The following GABRB3 variants were observed in gnomAD, a reference collection of about 807,000 sequenced individuals.
The protein encoded by GABRB3 is gamma-aminobutyric acid type A receptor subunit beta3, also known as gamma-aminobutyric acid receptor subunit beta-3.
In GABRB3, 14 loss-of-function variants were observed where a neutral mutation model predicts 52.1. That is an observed-to-expected ratio of 0.27 (90% CI 0.18 to 0.42). GABRB3 has a LOEUF of 0.42. Ranked by LOEUF, GABRB3 falls within the 10% of genes least tolerant of loss-of-function variation. GABRB3 has a pLI of 1.00. For synonymous variants in GABRB3, 260 were observed against 232.3 expected (o/e 1.12, Z -1.08); for missense variants, 307 against 609.1 (o/e 0.50, Z 5.22).
chr15:26,614,735 T>G (rs1355847087), intron 4 of GABRB3: 2 of 152,210 alleles, frequency 1.3e-5, no homozygotes, highest in Non-Finnish European at 2.9e-5. Context: ...TCAAACGAAT[T>G]CGATGATTTA....
rs1555400757 is a variant in GABRB3, at chr15:26,554,021, T to TATATATATATATATATATATATA, written c.1081-5888_1081-5887insTATATATATATATATATATATAT. ...TCCCGAGTAGCTGACACCTGACTAT[T>TATATATATATATATATATATATA]TATATATATATATATTTATTTATTT... On this transcript the variant is annotated intron_variant, in intron 8 of 8. Coordinates refer to ENST00000311550, the MANE Select transcript of GABRB3 (RefSeq NM_000814.6). Among the ~76,000 whole-genome samples, 8 of 23,682 alleles carry TATATATATATATATATATATATA rather than the reference T, an allele frequency of 3.4e-4. 1 individual carries two copies. The highest frequency in any genetic ancestry group is 1.5e-3 in the African/African-American group (8 of 5,496). The allele number at this position is 23,682 out of a possible 152,430, so 15.5% of individuals were successfully genotyped here. A position where few individuals can be genotyped will look rare whatever the true frequency, so the allele number is the denominator to read the frequency against.
intron 3 of GABRB3, among the ~76,000 whole-genome samples, chr15:26,631,650 G>A (rs1177754200): frequency 6.6e-6 from 1 of 152,172 alleles, no homozygotes; most frequent in East Asian, 1.9e-4. Flanking sequence ...TTCCTTTGTA[G>A]TCATTCCTAC....
chr15:26,739,251 C>A (rs760633623), intron 3 of GABRB3, among the ~76,000 whole-genome samples: 2 of 152,056 alleles, frequency 1.3e-5, no homozygotes, highest in African/African-American at 2.4e-5. Flanking sequence ...CTACAGAAAC[C>A]CACACCAGCT....
At chr15:26,680,056 G>T (rs1288982722) in intron 3 of GABRB3, among the ~76,000 whole-genome samples, 1 of 152,164 alleles carries the variant, frequency 6.6e-6, no homozygotes, top group Admixed American at 6.5e-5. Context: ...TTTCAGATGG[G>T]ATTAACAGTT....
chr15:26,655,559 G>A lies in GABRB3; in HGVS notation c.241-34025C>T, dbSNP rs1477285573. Among the ~76,000 whole-genome samples the A allele has an allele frequency of 5.3e-5, 8 of 152,158 alleles. No homozygotes were observed. In the East Asian group the frequency reaches 7.8e-4, roughly 15 times the overall value. Reference sequence around the variant, plus strand: ...AGATCGAGACCATCCTGGCTAACACGGTGAAACCCTGTCTCTACTAAAAAT... The same window carrying A: ...AGATCGAGACCATCCTGGCTAACACAGTGAAACCCTGTCTCTACTAAAAAT... On this transcript the variant is annotated intron_variant, in intron 3 of 8. Transcript: ENST00000311550.
chr15:26,766,756 T>TAAGAA (rs1891008076), intron 3 of GABRB3, among the ~76,000 whole-genome samples: 2 of 151,562 alleles, frequency 1.3e-5, no homozygotes, highest in African/African-American at 4.9e-5. Flanking sequence ...AGTTAATTCT[T>TAAGAA]TTAACTACAT....
intron 3 of GABRB3, among the ~76,000 whole-genome samples, chr15:26,715,111 TG>T (rs954862865): frequency 4.9e-4 from 75 of 152,018 alleles, no homozygotes; most frequent in African/African-American, 1.6e-3. Flanking sequence ...CTTGAGGACC[TG>T]GGGGGGTCTG....
chr15:26,745,190 G>A (rs911757824), intron 3 of GABRB3, among the ~76,000 whole-genome samples: 2 of 152,132 alleles, frequency 1.3e-5, no homozygotes, highest in African/African-American at 2.4e-5. Context: ...TGACCCAAAC[G>A]CCTCCCACCA....
At chr15:26,651,599 T>G (rs1887199497) in intron 3 of GABRB3, among the ~76,000 whole-genome samples, 1 of 152,210 alleles carries the variant, frequency 6.6e-6, no homozygotes, top group Non-Finnish European at 1.5e-5. Flanking sequence ...AAATAATTCT[T>G]ATACATGGTC....
At chr15:26,670,957 C>T (rs1042811846) in intron 3 of GABRB3, among the ~76,000 whole-genome samples, 95 of 151,988 alleles carry the variant, frequency 6.3e-4, no homozygotes, top group Admixed American at 3.5e-3. Context: ...GGCACAATTA[C>T]GGCATCAACC....
chr15:26,683,716 G>T (rs1420603096), intron 3 of GABRB3, among the ~76,000 whole-genome samples: 1 of 152,118 alleles, frequency 6.6e-6, no homozygotes, highest in African/African-American at 2.4e-5. Context: ...ATGCTCCTAG[G>T]GGGCAGGGTC....
At position 26,643,041 on chromosome 15, in the gene GABRB3, T is replaced by C. The variant is rs534341186; in HGVS notation, c.241-21507A>G. Among the ~76,000 whole-genome samples the C allele has an allele frequency of 2.0e-5, 3 of 152,200 alleles. 1 individual carries two copies. The highest frequency in any genetic ancestry group is 7.2e-5 in the African/African-American group (3 of 41,546). ...TCTGTCCCATCTCACCAAAGAACCCTCAGCTGACACCTCCACCCTGACCTT... is the reference window on the plus strand; with the variant it reads ...TCTGTCCCATCTCACCAAAGAACCCCCAGCTGACACCTCCACCCTGACCTT... On this transcript the variant is annotated intron_variant, in intron 3 of 8. Transcript: ENST00000311550.
chr15:26,731,284 C>G (rs1436030255), intron 3 of GABRB3, among the ~76,000 whole-genome samples: 1 of 152,204 alleles, frequency 6.6e-6, no homozygotes, highest in Non-Finnish European at 1.5e-5. Flanking sequence ...TACATACTTA[C>G]TACAATGAGC....
rs149730920 is a variant in GABRB3 at position 26,640,029 on chromosome 15, C to T, written c.241-18495G>A. ...ACAAGAACTATTAAATTACTCAAAA[C>T]GGAGAGCATTGTTTTAATAAAGCAG... is the stretch of plus-strand genomic sequence containing the variant. On this transcript the variant is annotated intron_variant, in intron 3 of 8. Coordinates refer to ENST00000311550, the MANE Select transcript of GABRB3 (RefSeq NM_000814.6). Among the ~76,000 whole-genome samples the T allele has an allele frequency of 7.0e-3, 1,065 of 152,200 alleles. 15 individuals are homozygous for T. The highest frequency in any genetic ancestry group is 0.025 in the African/African-American group (1,029 of 41,534).
At chr15:26,584,596 T>G (rs1890910856) in intron 4 of GABRB3, among the ~76,000 whole-genome samples, 1 of 152,162 alleles carries the variant, frequency 6.6e-6, no homozygotes, top group Non-Finnish European at 1.5e-5. Flanking sequence ...GCTATGGAAA[T>G]AATTACTTCC....
rs200359166 is a variant in GABRB3 at position 26,616,616 on chromosome 15, AC to A, written c.461+4697del. ...TATACTACACTTGAAAAAAAAAAAAACCAGCTACTTACTTAAAAATCCATTT... is the reference window on the plus strand; with the variant it reads ...TATACTACACTTGAAAAAAAAAAAAACAGCTACTTACTTAAAAATCCATTT... On this transcript the variant is annotated intron_variant, in intron 4 of 8. Transcript: ENST00000311550. Among the ~76,000 whole-genome samples the A allele has an allele frequency of 1.9e-3, 283 of 150,872 alleles. 4 individuals carry two copies. In the East Asian group the frequency reaches 0.035, roughly 19 times the overall value.
intron 3 of GABRB3, among the ~76,000 whole-genome samples, chr15:26,672,369 G>C (rs1199427004): frequency 2.0e-5 from 3 of 152,058 alleles, no homozygotes; most frequent in African/African-American, 7.2e-5. Flanking sequence ...ATCGTCACAA[G>C]CCACCACATG....
At chr15:26,677,707 T>C (rs1005449804) in intron 3 of GABRB3, among the ~76,000 whole-genome samples, 1 of 152,232 alleles carries the variant, frequency 6.6e-6, no homozygotes, top group African/African-American at 2.4e-5. Flanking sequence ...TATTTTTTAC[T>C]ATCTCTTTGC....
chr15:26,656,036 C>G (rs1453406589), intron 3 of GABRB3, among the ~76,000 whole-genome samples: 1 of 151,816 alleles, frequency 6.6e-6, no homozygotes, highest in Non-Finnish European at 1.5e-5. Flanking sequence ...TGTTATTTGC[C>G]TCTCATCTCT....
Sources: gnomAD v4.1 joint callset for allele counts (sites outside exome capture counted in the v4.1 genomes callset) on GRCh38, gnomAD v4.1.1 for gene constraint, MANE v1.5 for transcripts, NCBI Gene and HGNC (gene_info 2026-07-23, HGNC 2026-07-21) for gene names.